GLIS3: variants seen among roughly 807,000 people sequenced by gnomAD.
The protein encoded by GLIS3 is GLIS family zinc finger 3.
A neutral mutation model predicts 78.6 loss-of-function variants in GLIS3; 53 were observed. That is an observed-to-expected ratio of 0.67 (90% confidence interval 0.54 to 0.85). The LOEUF (loss-of-function observed/expected upper bound fraction) is 0.85, where lower values mean the gene tolerates loss of function less well. GLIS3 is among the 40% of genes least tolerant of loss of function. The probability of loss-of-function intolerance (pLI) is 0.00; values close to 1 mark genes in which losing one functional copy is unlikely to be tolerated. For missense variants in GLIS3, 1,703 were observed against 1,231.1 expected, an observed-to-expected ratio of 1.38 and a Z score of -5.74; for synonymous variants, 684 against 509.9, an observed-to-expected ratio of 1.34 and a Z score of -4.60.
At chr9:4,352,295 C>A (rs1817982141), upstream of GLIS3, among the ~76,000 whole-genome samples, 1 of 152,236 alleles carries the variant, frequency 6.6e-6, no homozygotes, top group African/African-American at 2.4e-5. Flanking sequence ...GGCTCAGGAA[C>A]AAGGGAGCCA....
chr9:3,924,798 T>G (rs1258140834), intron 6 of GLIS3, among the ~76,000 whole-genome samples: 5 of 152,118 alleles, frequency 3.3e-5, no homozygotes, highest in Non-Finnish European at 5.9e-5. Flanking sequence ...GACACTATAT[T>G]TAGGTAGCAG....
At chr9:4,477,040 G>A in the GLIS3 span, among the ~76,000 whole-genome samples, 18 of 152,052 alleles carry the variant, frequency 1.2e-4, no homozygotes, top group African/African-American at 3.6e-4. Flanking sequence ...ATTACTATAT[G>A]TTCCAGTAAT....
intron 4 of GLIS3, among the ~76,000 whole-genome samples, chr9:4,028,737 C>T (rs536623985): frequency 2.6e-5 from 4 of 152,236 alleles, no homozygotes; most frequent in South Asian, 4.1e-4. Flanking sequence ...TAGATCTGCA[C>T]ATACAAGTGG....
At chr9:4,079,616 C>T (rs1828378519) in intron 4 of GLIS3, among the ~76,000 whole-genome samples, 1 of 152,192 alleles carries the variant, frequency 6.6e-6, no homozygotes, top group Non-Finnish European at 1.5e-5. Flanking sequence ...ATGCCTTTAT[C>T]CCCAAGCATG....
At chr9:4,232,623 C>T (rs974654504) in intron 2 of GLIS3, among the ~76,000 whole-genome samples, 1 of 152,040 alleles carries the variant, frequency 6.6e-6, no homozygotes, top group Non-Finnish European at 1.5e-5. Context: ...AAACATTATA[C>T]CAGTACTAGC....
At chr9:4,050,760 C>T (rs1345251428) in intron 4 of GLIS3, among the ~76,000 whole-genome samples, 1 of 152,118 alleles carries the variant, frequency 6.6e-6, no homozygotes, top group East Asian at 1.9e-4. Context: ...TTAAAGCCTT[C>T]AAACACTAGA....
At chr9:4,135,289 G>A (rs1230667829) in intron 2 of GLIS3, among the ~76,000 whole-genome samples, 1 of 152,064 alleles carries the variant, frequency 6.6e-6, no homozygotes, top group African/African-American at 2.4e-5. Context: ...ATAATGCAAA[G>A]TTATAAAAAG....
Position 3,946,726 on chromosome 9 carries a change from A to G in GLIS3, c.1711-9537T>C, listed in dbSNP as rs115911871. On this transcript the variant is annotated intron_variant, in intron 4 of 10. Transcript: ENST00000381971. ...ACTCCCTTTTCCAAATCTGAGCTAG[A>G]TACACAGATCTATTGGGAACGTGTT... 5.8e-3 allele frequency among the ~76,000 whole-genome samples: 881 copies of G among 152,312 alleles called. 6 individuals are homozygous for G. Among genetic ancestry groups the G allele is most frequent in the African/African-American group, 0.02 (816 of 41,562 alleles).
At chr9:4,120,638 T>C (rs557603410) in intron 3 of GLIS3, among the ~76,000 whole-genome samples, 1 of 152,324 alleles carries the variant, frequency 6.6e-6, no homozygotes, top group East Asian at 1.9e-4. Context: ...ACTAAATTAG[T>C]AGTCCTATCG....
intron 4 of GLIS3, among the ~76,000 whole-genome samples, chr9:4,097,215 C>T (rs900430665): frequency 6.6e-6 from 1 of 152,032 alleles, no homozygotes; most frequent in African/African-American, 2.4e-5. Context: ...CCACCAGAAG[C>T]CACAGAGAAC....
chr9:4,410,476 G>C, the GLIS3 span, among the ~76,000 whole-genome samples: 1 of 152,130 alleles, frequency 6.6e-6, no homozygotes, highest in Non-Finnish European at 1.5e-5. Flanking sequence ...AAGAATTCAT[G>C]CATCTATTGA....
At chr9:3,955,378 G>C (rs181103076) in intron 4 of GLIS3, among the ~76,000 whole-genome samples, 1 of 152,272 alleles carries the variant, frequency 6.6e-6, no homozygotes, top group African/African-American at 2.4e-5. Flanking sequence ...TATTGAAAAA[G>C]AGAAAGAGAA....
upstream of GLIS3, among the ~76,000 whole-genome samples, chr9:4,353,182 C>G (rs1251916725): frequency 6.6e-6 from 1 of 152,120 alleles, no homozygotes; most frequent in Non-Finnish European, 1.5e-5. Context: ...CATCCCTGTG[C>G]CATTAAAGGC....
chr9:3,829,535 C>T, intron 9 of GLIS3, 43 bp from the exon 10 acceptor site: 8 of 1,606,206 alleles, frequency 5.0e-6, no homozygotes, highest in Non-Finnish European at 6.0e-6. Flanking sequence ...CCTTTGGGCA[C>T]AAGTTCCACA....
At chr9:3,988,302 A>G (rs1588397114) in intron 4 of GLIS3, among the ~76,000 whole-genome samples, 1 of 152,240 alleles carries the variant, frequency 6.6e-6, no homozygotes, top group South Asian at 2.1e-4. Context: ...ACAGAAAGGA[A>G]ATGATAAAAG....
the GLIS3 span, among the ~76,000 whole-genome samples, chr9:4,377,097 A>C: frequency 7.4e-5 from 10 of 134,970 alleles, 3 homozygotes; most frequent in Non-Finnish European, 1.3e-4. Context: ...TAGGTGTCAA[A>C]TTGATTGAAG....
At chr9:4,298,311 A>G (rs1391959947) in intron 1 of GLIS3, 3 of 453,866 alleles carry the variant, frequency 6.6e-6, no homozygotes, top group Non-Finnish European at 4.4e-6. Context: ...TCGCCTCCCA[A>G]ACACCTCCAG....
chr9:3,933,147 T>C (rs1825714985), intron 5 of GLIS3, among the ~76,000 whole-genome samples: 1 of 151,914 alleles, frequency 6.6e-6, no homozygotes, highest in Admixed American at 6.6e-5. Flanking sequence ...TCCTGGGAGA[T>C]GTGAGGTGTG....
intron 4 of GLIS3, among the ~76,000 whole-genome samples, chr9:3,954,698 G>T (rs1816967449): frequency 6.6e-6 from 1 of 151,932 alleles, no homozygotes; most frequent in South Asian, 2.1e-4. Flanking sequence ...TGTTTATTTA[G>T]AAAAAAAGAA....
Sources: gnomAD v4.1 joint callset for allele counts (sites outside exome capture counted in the v4.1 genomes callset) on GRCh38, gnomAD v4.1.1 for gene constraint, MANE v1.5 for transcripts, NCBI Gene and HGNC (gene_info 2026-07-23, HGNC 2026-07-21) for gene names.